The following BTD variants were observed in gnomAD, a reference collection of about 807,000 sequenced individuals.
BTD encodes biotinidase.
A neutral mutation model predicts 17.7 loss-of-function variants in BTD; 13 were observed. That is an observed-to-expected ratio of 0.74 (90% CI 0.48 to 1.17). The LOEUF is 1.17. BTD is among the 50% of genes most tolerant of loss of function. The pLI, the probability that BTD is intolerant of heterozygous loss-of-function variation, is 0.00. For missense variants in BTD, 674 were observed against 650.4 expected (o/e 1.04, Z -0.39); for synonymous variants, 240 against 245.2 (o/e 0.98, Z 0.20).
chr3:15,606,846 C>T (rs1486562173), intron 1 of BTD: 1 of 152,196 alleles, frequency 6.6e-6, no homozygotes, highest in African/African-American at 2.4e-5. Context: ...GCTTGTCCAA[C>T]CCTTGGCCCA....
At chr3:15,663,039 C>T (rs909454471) in intron 3 of BTD, among the ~76,000 whole-genome samples, 1 of 151,728 alleles carries the variant, frequency 6.6e-6, no homozygotes, top group African/African-American at 2.4e-5. Flanking sequence ...CTCTTGTCAT[C>T]CAGGCTGGAG....
At chr3:15,686,343 C>T in intron 3 of BTD, 3 of 1,443,162 alleles carry the variant, frequency 2.1e-6, no homozygotes, top group Non-Finnish European at 2.9e-6. Flanking sequence ...TCAGTAATTA[C>T]ATATAATGAT....
chr3:15,641,587 T>C (rs1425128603), intron 2 of BTD, among the ~76,000 whole-genome samples: 1 of 152,214 alleles, frequency 6.6e-6, no homozygotes, highest in Admixed American at 6.5e-5. Flanking sequence ...CTAAATCCTT[T>C]CTAGCTATTC....
rs144214527 is a variant in BTD at position 15,643,275 on chromosome 3, T to C, written c.400-1041T>C. On this transcript the variant is annotated intron_variant, in intron 3 of 3. Coordinates refer to ENST00000643237, the MANE Select transcript of BTD (RefSeq NM_001370658.1). ...CAGCATTCTGGGAGGCCAAGGCTGG[T>C]GGATAGCTTGAGCTCATGAGTTCAA... 4.5e-3 allele frequency among the ~76,000 whole-genome samples: 678 copies of C among 152,302 alleles called. 7 individuals are homozygous for C. The highest frequency in any genetic ancestry group is 0.015 in the South Asian group (74 of 4,830).
At chr3:15,671,767 T>C (rs1191815676) in intron 3 of BTD, among the ~76,000 whole-genome samples, 1 of 151,962 alleles carries the variant, frequency 6.6e-6, no homozygotes, top group Non-Finnish European at 1.5e-5. Context: ...ATATTTTTAG[T>C]AGAGATGGGA....
At chr3:15,696,183 T>C in intron 3 of BTD, 1 of 1,594,810 alleles carries the variant, frequency 6.3e-7, no homozygotes, top group Non-Finnish European at 8.6e-7. Flanking sequence ...ATGAACTGCG[T>C]TGTATCCTTG....
downstream of BTD, among the ~76,000 whole-genome samples, chr3:15,717,429 A>G (rs144071877): frequency 9.3e-4 from 141 of 152,298 alleles, no homozygotes; most frequent in Middle Eastern, 3.4e-3. Context: ...AGCGGGGAGA[A>G]GGCACAGTTA....
chr3:15,604,356 T>G (rs1468226346), intron 1 of BTD, among the ~76,000 whole-genome samples: 1 of 152,248 alleles, frequency 6.6e-6, no homozygotes, highest in Non-Finnish European at 1.5e-5. Context: ...AGCTGTACAT[T>G]GGCCCTTTTT....
intron 3 of BTD, among the ~76,000 whole-genome samples, chr3:15,682,615 T>C (rs1320863230): frequency 1.3e-5 from 2 of 152,224 alleles, no homozygotes; most frequent in Non-Finnish European, 2.9e-5. Flanking sequence ...ACTTTTAGTA[T>C]CTACAGCCAG....
chr3:15,626,791 A>AAAAAG (rs1266839561), intron 1 of BTD, among the ~76,000 whole-genome samples: 1 of 145,976 alleles, frequency 6.9e-6, no homozygotes, highest in Non-Finnish European at 1.5e-5. Flanking sequence ...AAAAAAAAAA[A>AAAAAG]AAAAGAAAAG....
intron 1 of BTD, among the ~76,000 whole-genome samples, chr3:15,610,356 C>T (rs750632028): frequency 9.9e-5 from 15 of 152,258 alleles, no homozygotes; most frequent in Middle Eastern, 3.4e-3. Context: ...CCTCTATGTG[C>T]GGTGTTTGCT....
exon 4 of BTD, chr3:15,711,385 T>C: frequency 2.3e-6 from 2 of 864,472 alleles, no homozygotes; most frequent in Non-Finnish European, 1.9e-6. Context: ...AACAAAACTA[T>C]GGGTTCTTAA....
intron 1 of BTD, chr3:15,632,660 G>T (rs1395873307): frequency 6.6e-6 from 1 of 152,198 alleles, no homozygotes; most frequent in African/African-American, 2.4e-5. Context: ...AGGGCCCCTT[G>T]TTCCCAGGAA....
downstream of BTD, among the ~76,000 whole-genome samples, chr3:15,714,389 G>T (rs536620340): frequency 6.6e-6 from 1 of 151,790 alleles, no homozygotes; most frequent in Non-Finnish European, 1.5e-5. Context: ...AAAAACAAAA[G>T]TATGAAAGAT....
intron 3 of BTD, chr3:15,669,414 G>A (rs1029285676): frequency 6.6e-6 from 1 of 151,888 alleles, no homozygotes; most frequent in African/African-American, 2.4e-5. Flanking sequence ...TTTTTTCTAG[G>A]AAATTCTTTA....
intron 1 of BTD, among the ~76,000 whole-genome samples, chr3:15,605,969 G>T (rs2064437626): frequency 6.6e-6 from 1 of 151,038 alleles, no homozygotes; most frequent in Admixed American, 6.6e-5. Flanking sequence ...TGTGAGCCAG[G>T]GAGGTAGATG....
chr3:15,660,475 A>G (rs1414441508), intron 3 of BTD, among the ~76,000 whole-genome samples: 1 of 152,244 alleles, frequency 6.6e-6, no homozygotes, highest in African/African-American at 2.4e-5. Context: ...AATCCATGTT[A>G]AAACACAATA....
chr3:15,690,358 T>C (rs189242728), intron 3 of BTD: 49 of 705,218 alleles, frequency 6.9e-5, no homozygotes, highest in Non-Finnish European at 9.1e-6. Flanking sequence ...ACATCGAGAA[T>C]TCAGGAAGTT....
intron 4 of BTD, chr3:15,720,937 T>C (rs372312590): frequency 5.4e-5 from 87 of 1,613,584 alleles, no homozygotes; most frequent in Admixed American, 1.8e-4. Context: ...ATCGGCCCCA[T>C]TGCCAACTAG....
Sources: gnomAD v4.1 joint callset for allele counts (sites outside exome capture counted in the v4.1 genomes callset) on GRCh38, gnomAD v4.1.1 for gene constraint, MANE v1.5 for transcripts, NCBI Gene and HGNC (gene_info 2026-07-23, HGNC 2026-07-21) for gene names.